The following CIMAP1D variants were observed in gnomAD, a reference collection of about 807,000 sequenced individuals.
CIMAP1D encodes the protein CIMAP1 family member D, also known as protein CIMAP1D.
At chr19:485,340 C>A in the CIMAP1D span, among the ~76,000 whole-genome samples, 1 of 152,216 alleles carries the variant, frequency 6.6e-6, no homozygotes, top group Non-Finnish European at 1.5e-5. Context: ...AGCCCCGTGG[C>A]GCCCTGGGCA....
chr19:479,070 C>T, the CIMAP1D span, among the ~76,000 whole-genome samples: 6 of 152,246 alleles, frequency 3.9e-5, no homozygotes, highest in East Asian at 7.7e-4. Context: ...GAGTGAGGGC[C>T]GTGATCAACT....
chr19:483,077 G>A, the CIMAP1D span, among the ~76,000 whole-genome samples: 54 of 152,072 alleles, frequency 3.6e-4, no homozygotes, highest in African/African-American at 1.2e-3. Flanking sequence ...AGGGCATCTG[G>A]CCCCTTATCA....
chr19:469,464 T>G, the CIMAP1D span, among the ~76,000 whole-genome samples: 1 of 151,704 alleles, frequency 6.6e-6, no homozygotes, highest in South Asian at 2.1e-4. Flanking sequence ...CTGAGGCGGG[T>G]GGATCACCTG....
chr19:470,151 C>T, the CIMAP1D span, among the ~76,000 whole-genome samples: 2 of 152,102 alleles, frequency 1.3e-5, no homozygotes, highest in East Asian at 1.9e-4. Context: ...CAGGAGGTGT[C>T]CTGAGACTGG....
chr19:465,876 GTGGGTGGATGGGCGGGTGGATGGA>G, the CIMAP1D span, among the ~76,000 whole-genome samples: 1 of 125,076 alleles, frequency 8.0e-6, no homozygotes, highest in South Asian at 2.9e-4. Flanking sequence ...GGGTGGATGG[GTGGGTGGATGGGCGGGTGGATGGA>G]TGGGTGGATA....
the CIMAP1D span, among the ~76,000 whole-genome samples, chr19:488,931 G>C: frequency 2.6e-5 from 4 of 152,040 alleles, no homozygotes; most frequent in Non-Finnish European, 4.4e-5. Context: ...GACCGACCAC[G>C]GGGCGAGACA....
At chr19:468,919 GCCCA>G in the CIMAP1D span, among the ~76,000 whole-genome samples, 2 of 135,200 alleles carry the variant, frequency 1.5e-5, no homozygotes, top group African/African-American at 5.1e-5. Context: ...ACGCAGCGTG[GCCCA>G]GACACGGCTC....
At chr19:488,857 C>T in the CIMAP1D span, among the ~76,000 whole-genome samples, 2 of 152,146 alleles carry the variant, frequency 1.3e-5, no homozygotes, top group African/African-American at 4.8e-5. Flanking sequence ...GACGCCCCCT[C>T]GGCCGCCCCG....
At chr19:490,043 A>C in the CIMAP1D span, 4 of 398,426 alleles carry the variant, frequency 1.0e-5, no homozygotes, top group East Asian at 1.4e-4. Flanking sequence ...GGTGGTAGTA[A>C]GTAAAATAAA....
chr19:464,189 G>A, the CIMAP1D span: 2 of 1,510,614 alleles, frequency 1.3e-6, no homozygotes, highest in South Asian at 2.6e-5. Context: ...TGGGCTTGGT[G>A]AAGATCTGTG....
At chr19:464,020 G>GCGGGGCC in the CIMAP1D span, 6 of 1,605,972 alleles carry the variant, frequency 3.7e-6, no homozygotes, top group Non-Finnish European at 5.1e-6. Flanking sequence ...TCCAGGGGTC[G>GCGGGGCC]CGGGGCCCGG....
At chr19:475,758 G>C in the CIMAP1D span, among the ~76,000 whole-genome samples, 3 of 147,460 alleles carry the variant, frequency 2.0e-5, no homozygotes, top group Non-Finnish European at 4.5e-5. Flanking sequence ...TGTATTTTTT[G>C]GAGCCTTTTG....
At chr19:463,776 C>G in the CIMAP1D span, 3 of 1,530,316 alleles carry the variant, frequency 2.0e-6, no homozygotes, top group South Asian at 2.4e-5. Context: ...TCTAGCCCCT[C>G]CAGCCAAAGC....
chr19:484,370 A>G, the CIMAP1D span, among the ~76,000 whole-genome samples: 1 of 151,192 alleles, frequency 6.6e-6, no homozygotes, highest in Non-Finnish European at 1.5e-5. Flanking sequence ...CGAACTCCTG[A>G]CCTCAGGTGA....
chr19:464,083 C>CCGGGCTGT, the CIMAP1D span: 1 of 1,551,772 alleles, frequency 6.4e-7, no homozygotes, highest in Admixed American at 2.0e-5. Context: ...GTGTTTGCGT[C>CCGGGCTGT]CGGGCTGTCG....
At chr19:484,526 C>T in the CIMAP1D span, among the ~76,000 whole-genome samples, 1 of 152,168 alleles carries the variant, frequency 6.6e-6, no homozygotes, top group African/African-American at 2.4e-5. Context: ...AACCTCAGAG[C>T]AGAGTTGGGT....
At chr19:481,325 G>A in the CIMAP1D span, among the ~76,000 whole-genome samples, 5 of 115,716 alleles carry the variant, frequency 4.3e-5, no homozygotes, top group South Asian at 3.1e-4. Flanking sequence ...CGATGATGGA[G>A]AAGGATGATG....
the CIMAP1D span, among the ~76,000 whole-genome samples, chr19:466,034 G>A: frequency 7.2e-6 from 1 of 138,778 alleles, no homozygotes; most frequent in Non-Finnish European, 1.5e-5. Flanking sequence ...AGATGGATGG[G>A]TGGGTGGATG....
chr19:479,517 G>A, the CIMAP1D span, among the ~76,000 whole-genome samples: 1 of 150,348 alleles, frequency 6.7e-6, no homozygotes, highest in African/African-American at 2.4e-5. Context: ...TGATCCTCCT[G>A]CCTCAGCCTC....
Sources: allele counts gnomAD v4.1 joint callset (sites outside exome capture counted in the v4.1 genomes callset), GRCh38; gene constraint gnomAD v4.1.1; transcripts MANE v1.5; gene names NCBI Gene and HGNC (gene_info 2026-07-23, HGNC 2026-07-21).